Variants in ARAP1 observed in about 807,000 individuals in gnomAD.
ARAP1 encodes the protein arf-GAP with Rho-GAP domain, ANK repeat and PH domain-containing protein 1.
In ARAP1, 76 loss-of-function variants were observed where a neutral mutation model predicts 172.2. The ratio of observed to expected loss-of-function variants is 0.44; its 90% CI spans 0.37 to 0.53. The LOEUF is 0.53. ARAP1 is among the 20% of genes least tolerant of loss of function. The pLI, the probability that ARAP1 is intolerant of heterozygous loss-of-function variation, is 0.00. For missense variants in ARAP1, 1,686 were observed against 1,977.5 expected, an observed-to-expected ratio of 0.85 and a Z score of 2.80; for synonymous variants, 804 against 803.3, an observed-to-expected ratio of 1.00 and a Z score of -0.01.
intron 30 of ARAP1, 155 bp from the exon 31 acceptor site, chr11:72,688,692 C>T: frequency 1.6e-6 from 1 of 636,418 alleles, no homozygotes. Flanking sequence ...TAAAGCCCTC[C>T]CTGTTCACAA....
At chr11:72,696,860 G>C in intron 22 of ARAP1, 123 bp downstream of exon 22, 2 of 1,121,650 alleles carry the variant, frequency 1.8e-6, no homozygotes, top group Non-Finnish European at 2.5e-6. Context: ...ATGAGAAGCA[G>C]AGGCAGGCAA....
intron 22 of ARAP1, 59 bp from the exon 23 acceptor site, chr11:72,696,713 G>T: frequency 7.1e-7 from 1 of 1,415,016 alleles, no homozygotes; most frequent in South Asian, 1.3e-5. Context: ...CCCCCACCCC[G>T]CCTGGGCTGC....
Position 72,696,667 on chromosome 11 carries a change from G to A in ARAP1, c.3167-13C>T, listed in dbSNP as rs756160646. On this transcript the variant is annotated splice_polypyrimidine_tract_variant and intron_variant, in intron 22 of 34. Coordinates refer to ENST00000393609, the MANE Select transcript of ARAP1 (RefSeq NM_001040118.3). The stretch of plus-strand genomic sequence containing the variant: ...TCGTCCTCAATCTCTGGGTGGGAAA[G>A]ATAAATCAAGTCAGAAACCCCCTGT... 9 of 1,569,346 alleles carry A rather than the reference G, an allele frequency of 5.7e-6. No homozygotes were observed. Among genetic ancestry groups the A allele is most frequent in the Non-Finnish European group, 7.8e-6 (9 of 1,154,268 alleles).
In ARAP1 at chr11:72,741,092, C is replaced by G. The variant is rs1021543745; in HGVS notation, c.-127-8495G>C. On this transcript the variant is annotated intron_variant, in intron 1 of 34. Coordinates refer to ENST00000393609, the MANE Select transcript of ARAP1 (RefSeq NM_001040118.3). The surrounding 1 kb of genome is among the most constrained non-coding windows in gnomAD (Gnocchi z 4.5). ...CTGGCCCCACCACATACCCCCGACC[C>G]CTAATGGGTCTGGGGACCCCTGCCG... 6.6e-5 allele frequency among the ~76,000 whole-genome samples: 10 copies of G among 152,192 alleles called. No individual in the cohort carries two copies. Among genetic ancestry groups the G allele is most frequent in the Non-Finnish European group, 2.9e-5 (2 of 68,020 alleles).
chr11:72,738,254 C>T (rs1858093947), intron 1 of ARAP1, among the ~76,000 whole-genome samples: 1 of 152,198 alleles, frequency 6.6e-6, no homozygotes, highest in Non-Finnish European at 1.5e-5. Flanking sequence ...GAGAGAAAGG[C>T]TCAATGGCTG....
Position 72,726,548 on chromosome 11 carries a change from G to T in ARAP1, c.509+72C>A. 1 of 1,435,892 alleles carries T rather than the reference G, an allele frequency of 7.0e-7. No homozygotes were observed. Among genetic ancestry groups the T allele is most frequent in the Non-Finnish European group, 9.1e-7 (1 of 1,096,568 alleles). 88.9% of individuals were successfully genotyped at this position (1,435,892 alleles called of 1,614,324 possible). ...TGCCTTTCTTACCCCAGCACCAAAG[G>T]CCACAAACTCCCCATCTACCCTCTG... On this transcript the variant is annotated intron_variant, in intron 3 of 34. Coordinates refer to ENST00000393609, the MANE Select transcript of ARAP1 (RefSeq NM_001040118.3). The surrounding 1 kb of genome is among the most constrained non-coding windows in gnomAD (Gnocchi z 6.5).
rs1183546286 is a variant in ARAP1, at chr11:72,685,856, A to G, written c.4336-175T>C. ...GAGGGGACTCCCAGCTTCCAGGGCC[A>G]GGCAGAAGGGGCTCCTTTGAATGGT... On this transcript the variant is annotated intron_variant, in intron 34 of 34. Transcript: ENST00000393609. 3 of 1,351,308 alleles carry G rather than the reference A, an allele frequency of 2.2e-6. No homozygotes were observed. The African/African-American group carries it at 4.3e-5, about 20-fold the overall frequency. The allele number at this position is 1,351,308 out of a possible 1,614,324, so 83.7% of individuals were successfully genotyped here. A position where few individuals can be genotyped will look rare whatever the true frequency, so the allele number is the denominator to read the frequency against.
Position 72,693,696 on chromosome 11 carries a change from G to C in ARAP1, c.3804C>G (p.Tyr1268Ter). The C allele has an allele frequency of 6.2e-7, 1 of 1,605,254 alleles. No individual in the cohort carries two copies. The highest frequency in any genetic ancestry group is 8.5e-7 in the Non-Finnish European group (1 of 1,175,886). Residue 1268 changes from tyrosine to a stop codon, truncating the protein, a stop_gained, in exon 28 of 35, where the codon TAC becomes TAG. Transcript: ENST00000393609. LOFTEE classifies it high-confidence loss of function. The surrounding 1 kb of genome is among the most constrained non-coding windows in gnomAD (Gnocchi z 4.6). Reference protein sequence around the residue: ...KHQAMEAMLLYLASRVGDTKH... With the variant: ...KHQAMEAMLL ...CACCCTGCAGGCACCACCTACCCAGGTACAGCAGCATGGCCTCCATGGCCT... is the reference window on the plus strand; with the variant it reads ...CACCCTGCAGGCACCACCTACCCAGCTACAGCAGCATGGCCTCCATGGCCT...
In ARAP1 at chr11:72,699,321, G is replaced by T; in HGVS notation, c.2438+96C>A. On this transcript the variant is annotated intron_variant, in intron 17 of 34. Coordinates refer to ENST00000393609, the MANE Select transcript of ARAP1 (RefSeq NM_001040118.3). The surrounding 1 kb of genome is among the most constrained non-coding windows in gnomAD (Gnocchi z 4.2). ...GCCTCCGTTTGCTGTGTGACTCTGCGGAGGTCCTCCCCTTCTCTGGGTCTA... is the reference window on the plus strand; with the variant it reads ...GCCTCCGTTTGCTGTGTGACTCTGCTGAGGTCCTCCCCTTCTCTGGGTCTA... 3 of 1,564,006 alleles carry T rather than the reference G, an allele frequency of 1.9e-6. No homozygotes were observed. The highest frequency in any genetic ancestry group is 4.5e-5 in the East Asian group (2 of 44,012).
At chr11:72,730,103 C>T (rs1760321589) in intron 2 of ARAP1, among the ~76,000 whole-genome samples, 1 of 152,114 alleles carries the variant, frequency 6.6e-6, no homozygotes, top group African/African-American at 2.4e-5. Context: ...ATATCTGCCA[C>T]TCATATTCCA....
chr11:72,689,957 C>T (rs61895603), intron 30 of ARAP1, among the ~76,000 whole-genome samples: 9,820 of 152,210 alleles, frequency 0.065, 434 homozygotes, highest in Middle Eastern at 0.12. Context: ...GAGCAATCGG[C>T]CTGCAAACTG....
chr11:72,692,659 G>C lies in ARAP1; in HGVS notation c.3987+94C>G, dbSNP rs113330454. 210 of 1,530,364 alleles carry C rather than the reference G, an allele frequency of 1.4e-4. No homozygotes were observed. In the African/African-American group the frequency reaches 2.3e-3, roughly 17 times the overall value. The allele number at this position is 1,530,364 out of a possible 1,614,324, so 94.8% of individuals were successfully genotyped here. On this transcript the variant is annotated intron_variant, in intron 30 of 34. Transcript: ENST00000393609. ...GGGCAGGGATCCATGCCTGGAGATG[G>C]CCAGGAGCCCTGGCTGTCTCCCCAT...
chr11:72,691,990 G>A (rs150468150), intron 30 of ARAP1, among the ~76,000 whole-genome samples: 81 of 152,270 alleles, frequency 5.3e-4, no homozygotes, highest in African/African-American at 1.9e-3. Flanking sequence ...CGCCGCTGCT[G>A]ACCTAACAGG....
chr11:72,718,445 T>G (rs1049093268), intron 3 of ARAP1, among the ~76,000 whole-genome samples: 7 of 151,938 alleles, frequency 4.6e-5, no homozygotes, highest in Admixed American at 4.6e-4. Flanking sequence ...TGGCGCCACC[T>G]CCAAGCCTTC....
intron 30 of ARAP1, 31 bp downstream of exon 30, chr11:72,692,722 G>A (rs1565209682): frequency 6.2e-7 from 1 of 1,613,576 alleles, no homozygotes; most frequent in African/African-American, 1.3e-5. Context: ...GGTGGTGTAA[G>A]GCAGCTGGCA....
intron 30 of ARAP1, 186 bp from the exon 31 acceptor site, chr11:72,688,723 A>G: frequency 1.7e-6 from 1 of 574,844 alleles, no homozygotes; most frequent in Admixed American, 3.0e-5. Context: ...CCAACCTCCC[A>G]GCCCTAGGCC....
intron 30 of ARAP1, chr11:72,688,746 C>T (rs1462787662): frequency 1.8e-6 from 1 of 554,540 alleles, no homozygotes; most frequent in East Asian, 3.1e-5. Context: ...CAAGGCCTGT[C>T]TCCCTGCAGC....
At position 72,746,363 on chromosome 11, in the gene ARAP1, C is replaced by T. The variant is rs538220897; in HGVS notation, c.-128+5965G>A. 1.7e-3 allele frequency among the ~76,000 whole-genome samples: 262 copies of T among 152,226 alleles called. 1 individual carries two copies. The highest frequency in any genetic ancestry group is 3.4e-3 in the Middle Eastern group (1 of 294). ...GCAGGGAGCACCCGGCACCTGGAGA[C>T]CAGCTGTGCCTCTGACCCACCAGCC... On this transcript the variant is annotated intron_variant, in intron 1 of 34. Transcript: ENST00000393609.
At chr11:72,708,567 C>G (rs1042227958) in intron 11 of ARAP1, 1 of 160,938 alleles carries the variant, frequency 6.2e-6, no homozygotes, top group African/African-American at 2.4e-5. Context: ...AAGAAATGAG[C>G]AAATAAAAAC....
Sources: gnomAD v4.1 joint callset for allele counts (sites outside exome capture counted in the v4.1 genomes callset) on GRCh38, gnomAD v4.1.1 for gene constraint, Gnocchi (gnomAD v3.1) non-coding constraint, MANE v1.5 for transcripts, NCBI Gene and HGNC (gene_info 2026-07-23, HGNC 2026-07-21) for gene names.